ATRNL1: variants seen among roughly 807,000 people sequenced by gnomAD.
The protein encoded by ATRNL1 is attractin-like protein 1.
ATRNL1 carries 95 observed loss-of-function variants against 182.7 expected under a neutral mutation model. The ratio of observed to expected loss-of-function variants is 0.52; its 90% confidence interval spans 0.44 to 0.62. The LOEUF (loss-of-function observed/expected upper bound fraction) is 0.62. Ranked by LOEUF, ATRNL1 falls within the 20% of genes least tolerant of loss-of-function variation. The pLI is 0.00. For missense variants in ATRNL1, 1,471 were observed against 1,679.5 expected, an observed-to-expected ratio of 0.88 and a Z score of 2.17; for synonymous variants, 576 against 568.3, an observed-to-expected ratio of 1.01 and a Z score of -0.19.
At chr10:115,482,341 T>C (rs1218915380) in intron 24 of ATRNL1, among the ~76,000 whole-genome samples, 1 of 151,064 alleles carries the variant, frequency 6.6e-6, no homozygotes, top group Non-Finnish European at 1.5e-5. Context: ...GTCTTTATTT[T>C]TGTAATTGCT....
intron 20 of ATRNL1, among the ~76,000 whole-genome samples, chr10:115,401,250 T>C (rs1201167937): frequency 2.6e-5 from 4 of 152,100 alleles, no homozygotes; most frequent in Non-Finnish European, 5.9e-5. Flanking sequence ...ATATGTTTCA[T>C]TGAGTACAGT....
chr10:115,291,052 T>G (rs1293799479), intron 15 of ATRNL1, among the ~76,000 whole-genome samples: 1 of 152,212 alleles, frequency 6.6e-6, no homozygotes, highest in African/African-American at 2.4e-5. Flanking sequence ...CATTCACCGG[T>G]GTAAGCTTCC....
chr10:115,348,463 A>G lies in ATRNL1; in HGVS notation c.3175+14044A>G, dbSNP rs147879859. ...TATTCATAACATCAATAAGTTTAGT[A>G]TTTTGATAAAAATATATGATTCAAA... On this transcript the variant is annotated intron_variant, in intron 19 of 28. Transcript: ENST00000355044. 3.8e-3 allele frequency among the ~76,000 whole-genome samples: 572 copies of G among 152,308 alleles called. 2 individuals carry two copies. The highest frequency in any genetic ancestry group is 0.014 in the Middle Eastern group (4 of 294).
At chr10:115,670,497 G>A (rs1945661741) in intron 26 of ATRNL1, among the ~76,000 whole-genome samples, 1 of 151,976 alleles carries the variant, frequency 6.6e-6, no homozygotes, top group African/African-American at 2.4e-5. Flanking sequence ...GAGATATTGG[G>A]ACTTTAATAA....
At chr10:115,535,031 G>T (rs1851877793) in intron 25 of ATRNL1, among the ~76,000 whole-genome samples, 1 of 151,938 alleles carries the variant, frequency 6.6e-6, no homozygotes, top group Non-Finnish European at 1.5e-5. Context: ...CTCTCTGGCT[G>T]CCCTTAACAT....
intron 28 of ATRNL1, among the ~76,000 whole-genome samples, chr10:115,910,247 C>T (rs1051942628): frequency 1.6e-4 from 24 of 152,336 alleles, no homozygotes; most frequent in African/African-American, 5.8e-4. Context: ...GCTGCTACCA[C>T]ATTCTCAGCT....
At chr10:115,289,971 T>G (rs1554920310) in intron 15 of ATRNL1, among the ~76,000 whole-genome samples, 1 of 152,154 alleles carries the variant, frequency 6.6e-6, no homozygotes, top group Non-Finnish European at 1.5e-5. Flanking sequence ...TTGCTTTGAG[T>G]AGCATGGTTG....
At chr10:115,203,772 T>G (rs942654321) in intron 8 of ATRNL1, among the ~76,000 whole-genome samples, 1 of 146,580 alleles carries the variant, frequency 6.8e-6, no homozygotes, top group Non-Finnish European at 1.5e-5. Context: ...TTTTTTTGTA[T>G]TTTTAGTAGA....
intron 1 of ATRNL1, among the ~76,000 whole-genome samples, chr10:115,104,055 A>G (rs1202446521): frequency 6.6e-6 from 1 of 152,206 alleles, no homozygotes; most frequent in African/African-American, 2.4e-5. Flanking sequence ...TTAGGTAAAT[A>G]CCTAGCAGTG....
intron 27 of ATRNL1, 103 bp downstream of exon 27, chr10:115,727,458 C>A: frequency 1.2e-6 from 1 of 835,448 alleles, no homozygotes; most frequent in Non-Finnish European, 1.9e-6. Flanking sequence ...GTCTGATTAT[C>A]TACAGTTGAC....
At chr10:115,665,099 G>T (rs1450452352) in intron 26 of ATRNL1, among the ~76,000 whole-genome samples, 1 of 152,100 alleles carries the variant, frequency 6.6e-6, no homozygotes, top group African/African-American at 2.4e-5. Flanking sequence ...TTAATACAGA[G>T]AATGTAGTTC....
chr10:115,135,435 A>G (rs782375877), intron 5 of ATRNL1, among the ~76,000 whole-genome samples: 2 of 152,212 alleles, frequency 1.3e-5, no homozygotes, highest in Non-Finnish European at 2.9e-5. Context: ...CCCATTCACA[A>G]CTGCTTCAAA....
intron 27 of ATRNL1, among the ~76,000 whole-genome samples, chr10:115,780,025 T>C (rs116556634): frequency 0.045 from 6,788 of 152,272 alleles, 432 homozygotes; most frequent in African/African-American, 0.14. Context: ...ACTTTCTGGT[T>C]TTAACTTCAT....
chr10:115,355,401 C>G (rs1242071555), intron 19 of ATRNL1, among the ~76,000 whole-genome samples: 3 of 152,034 alleles, frequency 2.0e-5, no homozygotes, highest in Non-Finnish European at 4.4e-5. Flanking sequence ...CTTGCAGACT[C>G]TAGGTACATA....
At chr10:115,094,190 G>A in intron 1 of ATRNL1, 147 bp downstream of exon 1, 1 of 881,132 alleles carries the variant, frequency 1.1e-6, no homozygotes, top group Non-Finnish European at 1.5e-6. Flanking sequence ...GGGAGCGGGC[G>A]AGAGTGGGGC....
chr10:115,733,525 G>A (rs1190100879), intron 27 of ATRNL1, among the ~76,000 whole-genome samples: 1 of 152,142 alleles, frequency 6.6e-6, no homozygotes, highest in Non-Finnish European at 1.5e-5. Context: ...CGCTCCCAAG[G>A]TGAAAAACGC....
intron 26 of ATRNL1, among the ~76,000 whole-genome samples, chr10:115,721,235 C>T (rs1428287328): frequency 6.6e-6 from 1 of 152,122 alleles, no homozygotes; most frequent in Non-Finnish European, 1.5e-5. Context: ...ACAAGACCCT[C>T]ATTTGTTGAC....
chr10:115,776,073 A>G (rs1006621161), intron 27 of ATRNL1, among the ~76,000 whole-genome samples: 2 of 152,102 alleles, frequency 1.3e-5, no homozygotes, highest in Non-Finnish European at 1.5e-5. Flanking sequence ...TGCTTTCTTG[A>G]TGACATAGCC....
chr10:115,243,753 G>A lies in ATRNL1; in HGVS notation c.1687+2028G>A, dbSNP rs192194288. ...AGCAAGTTGTTCAGACTGGAGGAAG[G>A]AATAGCATATTTTAAACAGTTTTAC... On this transcript the variant is annotated intron_variant, in intron 10 of 28. Transcript: ENST00000355044. Among the ~76,000 whole-genome samples the A allele has an allele frequency of 1.8e-3, 271 of 152,078 alleles. 1 individual carries two copies. Among genetic ancestry groups the A allele is most frequent in the South Asian group, 3.9e-3 (19 of 4,822 alleles).
Sources: gnomAD v4.1 joint callset for allele counts (sites outside exome capture counted in the v4.1 genomes callset) on GRCh38, gnomAD v4.1.1 for gene constraint, MANE v1.5 for transcripts, NCBI Gene and HGNC (gene_info 2026-07-23, HGNC 2026-07-21) for gene names.